PHACTR1: variants seen among roughly 807,000 people sequenced by gnomAD.
The protein encoded by PHACTR1 is RPEL repeat containing 1.
In PHACTR1, 16 loss-of-function variants were observed where a neutral mutation model predicts 69.2. The observed-to-expected ratio is 0.23, with a 90% CI of 0.16 to 0.35. The LOEUF is 0.35. Ranked by LOEUF, PHACTR1 falls within the 10% of genes least tolerant of loss-of-function variation. The pLI is 1.00. For missense variants in PHACTR1, 510 were observed against 734.7 expected, an observed-to-expected ratio of 0.69 and a Z score of 3.54; for synonymous variants, 312 against 284.5, an observed-to-expected ratio of 1.10 and a Z score of -0.97.
At chr6:13,231,505 C>T (rs147208459) in intron 10 of PHACTR1, among the ~76,000 whole-genome samples, 11 of 152,224 alleles carry the variant, frequency 7.2e-5, no homozygotes, top group African/African-American at 2.6e-4. Context: ...GAACAGCCTC[C>T]ATCATGTAAT....
intron 5 of PHACTR1, among the ~76,000 whole-genome samples, chr6:13,143,168 G>A (rs1169408858): frequency 6.6e-6 from 1 of 152,066 alleles, no homozygotes; most frequent in East Asian, 1.9e-4. Context: ...AAGTGGAGAT[G>A]GTTAATGGGT....
chr6:12,974,851 G>A (rs928647374), intron 4 of PHACTR1, among the ~76,000 whole-genome samples: 1 of 152,160 alleles, frequency 6.6e-6, no homozygotes, highest in Non-Finnish European at 1.5e-5. Context: ...TCAGTAAAAG[G>A]TGTTATTTTC....
At chr6:13,195,849 G>A (rs541097929) in intron 7 of PHACTR1, among the ~76,000 whole-genome samples, 14 of 150,626 alleles carry the variant, frequency 9.3e-5, no homozygotes, top group African/African-American at 2.4e-4. Context: ...TCCGTGTGTC[G>A]GCTACAGCCA....
intron 4 of PHACTR1, among the ~76,000 whole-genome samples, chr6:12,753,111 T>C (rs1766827096): frequency 6.6e-6 from 1 of 152,220 alleles, no homozygotes; most frequent in Non-Finnish European, 1.5e-5. Context: ...TTCAAATGTG[T>C]TAAAAGGACA....
intron 3 of PHACTR1, among the ~76,000 whole-genome samples, chr6:12,721,336 G>A (rs1762102482): frequency 6.6e-6 from 1 of 151,836 alleles, no homozygotes. Context: ...GTGAGTGGGG[G>A]TGGCACCACT....
At chr6:13,038,382 C>T (rs1177311353) in intron 4 of PHACTR1, among the ~76,000 whole-genome samples, 3 of 150,974 alleles carry the variant, frequency 2.0e-5, no homozygotes, top group Non-Finnish European at 4.4e-5. Flanking sequence ...TGGGAAATTC[C>T]ATAATTTAAC....
Position 13,064,806 on chromosome 6 carries a change from G to A in PHACTR1, c.415+11277G>A, listed in dbSNP as rs1013787858. On this transcript the variant is annotated intron_variant, in intron 5 of 14. Coordinates refer to ENST00000332995, the MANE Select transcript of PHACTR1 (RefSeq NM_030948.6). ...AGGCCCAGTCACAAAGGCCCTTTGC[G>A]ACTGGGCTCAAGGAACGCAAAAAGT... 4.7e-5 allele frequency among the ~76,000 whole-genome samples: 7 copies of A among 150,266 alleles called. No homozygotes were observed. In the East Asian group the frequency reaches 8.0e-4, roughly 17 times the overall value.
intron 1 of PHACTR1, among the ~76,000 whole-genome samples, 160 bp from the exon 2 acceptor site, chr6:12,717,349 G>A (rs1007277871): frequency 1.3e-5 from 2 of 151,738 alleles, no homozygotes; most frequent in East Asian, 3.9e-4. Flanking sequence ...AATAAACAAT[G>A]AAGACATAAA....
At chr6:12,807,754 G>A (rs1166349453) in intron 4 of PHACTR1, among the ~76,000 whole-genome samples, 1 of 152,172 alleles carries the variant, frequency 6.6e-6, no homozygotes, top group Non-Finnish European at 1.5e-5. Flanking sequence ...GGCATAGCTT[G>A]TTGCTTCCTC....
intron 4 of PHACTR1, among the ~76,000 whole-genome samples, chr6:12,796,631 T>G (rs533015612): frequency 1.3e-5 from 2 of 152,290 alleles, no homozygotes; most frequent in East Asian, 3.9e-4. Context: ...CTGCAGACAC[T>G]TAAGGAGAGA....
At chr6:13,242,035 CAA>C (rs747990237) in intron 10 of PHACTR1, among the ~76,000 whole-genome samples, 87 of 58,580 alleles carry the variant, frequency 1.5e-3, no homozygotes, top group African/African-American at 3.0e-3. Flanking sequence ...GATTCTGTCT[CAA>C]AAAAAAAAAA....
At chr6:13,191,679 A>G (rs1218009265) in intron 7 of PHACTR1, among the ~76,000 whole-genome samples, 1 of 152,210 alleles carries the variant, frequency 6.6e-6, no homozygotes, top group Non-Finnish European at 1.5e-5. Flanking sequence ...TCCATATCAA[A>G]GGGCTGCTCC....
chr6:13,058,851 T>A (rs1412410628), intron 5 of PHACTR1, among the ~76,000 whole-genome samples: 1 of 152,016 alleles, frequency 6.6e-6, no homozygotes, highest in Admixed American at 6.6e-5. Context: ...GAGAGCTGAG[T>A]GTCGTGCGGG....
At chr6:13,166,689 T>C in intron 6 of PHACTR1, among the ~76,000 whole-genome samples, 1 of 152,324 alleles carries the variant, frequency 6.6e-6, no homozygotes, top group East Asian at 1.9e-4. Context: ...TACTTTCAGA[T>C]AGTGTCTTTA....
At chr6:12,787,056 C>G (rs957305926) in intron 4 of PHACTR1, among the ~76,000 whole-genome samples, 2 of 152,162 alleles carry the variant, frequency 1.3e-5, no homozygotes, top group Non-Finnish European at 2.9e-5. Flanking sequence ...AAGTCAGGAC[C>G]ATTTTCCAAC....
At chr6:13,001,563 T>G (rs1300458503) in intron 4 of PHACTR1, among the ~76,000 whole-genome samples, 46 of 152,172 alleles carry the variant, frequency 3.0e-4, no homozygotes, top group Admixed American at 3.0e-3. Flanking sequence ...CCAGAAGTCT[T>G]TCTCAAGGCT....
At chr6:12,741,588 A>C (rs569736356) in intron 3 of PHACTR1, among the ~76,000 whole-genome samples, 1 of 152,170 alleles carries the variant, frequency 6.6e-6, no homozygotes, top group African/African-American at 2.4e-5. Context: ...ATCTGTTTGT[A>C]GATTCTGTAT....
At chr6:12,914,759 G>A (rs1415115368) in intron 4 of PHACTR1, among the ~76,000 whole-genome samples, 1 of 152,132 alleles carries the variant, frequency 6.6e-6, no homozygotes, top group Non-Finnish European at 1.5e-5. Flanking sequence ...AACTATGACA[G>A]TGGAGTAACT....
chr6:12,905,060 T>C lies in PHACTR1; in HGVS notation c.251-148305T>C, dbSNP rs73726214. Among the ~76,000 whole-genome samples, 534 of 152,290 alleles carry C rather than the reference T, an allele frequency of 3.5e-3. 3 individuals carry two copies. The highest frequency in any genetic ancestry group is 0.012 in the African/African-American group (514 of 41,566). ...CAACTAATTCCATGTTTCTCAACCC[T>C]GCACTGAACGTCAAAATCACCTGGG... On this transcript the variant is annotated intron_variant, in intron 4 of 14. Transcript: ENST00000332995.
Sources: gnomAD v4.1 joint callset for allele counts (sites outside exome capture counted in the v4.1 genomes callset) on GRCh38, gnomAD v4.1.1 for gene constraint, MANE v1.5 for transcripts, NCBI Gene and HGNC (gene_info 2026-07-23, HGNC 2026-07-21) for gene names.